The following TRAPPC9 variants were observed in gnomAD, a reference collection of about 807,000 sequenced individuals.
TRAPPC9 encodes trafficking protein particle complex subunit 9.
Under a neutral mutation model 124.0 loss-of-function variants are expected in TRAPPC9, and 83 were observed. The ratio of observed to expected loss-of-function variants is 0.67; its 90% confidence interval spans 0.56 to 0.80. The LOEUF (loss-of-function observed/expected upper bound fraction) is 0.80, where lower values mean the gene tolerates loss of function less well. Ranked by LOEUF, TRAPPC9 falls within the 30% of genes least tolerant of loss-of-function variation. The pLI, the probability that TRAPPC9 is intolerant of heterozygous loss-of-function variation, is 0.00. For synonymous variants in TRAPPC9, 638 were observed against 617.5 expected (o/e 1.03, Z -0.49); for missense variants, 1,302 against 1,508.3 (o/e 0.86, Z 2.27).
chr8:139,918,738 A>C (rs375190781), intron 19 of TRAPPC9, among the ~76,000 whole-genome samples: 6 of 152,210 alleles, frequency 3.9e-5, no homozygotes, highest in African/African-American at 1.4e-4. Flanking sequence ...AGGACCTTTA[A>C]GTATTGTTTT....
intron 7 of TRAPPC9, among the ~76,000 whole-genome samples, chr8:140,387,744 T>C (rs897518240): frequency 3.3e-5 from 5 of 152,258 alleles, no homozygotes; most frequent in African/African-American, 9.6e-5. Flanking sequence ...GGAGAGGACG[T>C]GGAGAATAGG....
intron 20 of TRAPPC9, among the ~76,000 whole-genome samples, chr8:139,894,804 T>A (rs1191273487): frequency 6.6e-6 from 1 of 152,152 alleles, no homozygotes; most frequent in Admixed American, 6.6e-5. Flanking sequence ...CCCTCATGGC[T>A]CATGGGCACA....
At chr8:140,067,501 A>T (rs1336957595) in intron 17 of TRAPPC9, among the ~76,000 whole-genome samples, 2 of 152,150 alleles carry the variant, frequency 1.3e-5, no homozygotes, top group African/African-American at 4.8e-5. Flanking sequence ...ACCTGTTCTG[A>T]TTTCCCTCAA....
At chr8:140,273,011 T>C (rs1467368369) in intron 15 of TRAPPC9, among the ~76,000 whole-genome samples, 3 of 152,282 alleles carry the variant, frequency 2.0e-5, no homozygotes, top group East Asian at 3.9e-4. Context: ...GCTTCACACA[T>C]ATTATCTCAT....
At chr8:140,250,598 G>A (rs991009973) in intron 16 of TRAPPC9, among the ~76,000 whole-genome samples, 4 of 152,074 alleles carry the variant, frequency 2.6e-5, no homozygotes, top group Non-Finnish European at 5.9e-5. Context: ...TGAACTGCAC[G>A]TAACAAGGCA....
At chr8:140,350,068 A>G (rs7839705) in intron 9 of TRAPPC9, among the ~76,000 whole-genome samples, 48,923 of 152,084 alleles carry the variant, frequency 0.32, 8,217 homozygotes, top group Middle Eastern at 0.42. Context: ...CAAAGTCAAG[A>G]AGCACCTTTT....
At chr8:140,066,033 T>C (rs964516107) in intron 17 of TRAPPC9, among the ~76,000 whole-genome samples, 3 of 152,200 alleles carry the variant, frequency 2.0e-5, no homozygotes, top group Non-Finnish European at 4.4e-5. Context: ...CCATGCTAGA[T>C]GCCAGTAAGA....
At chr8:139,908,234 C>T (rs1831486759) in intron 20 of TRAPPC9, among the ~76,000 whole-genome samples, 1 of 152,174 alleles carries the variant, frequency 6.6e-6, no homozygotes, top group Admixed American at 6.5e-5. Context: ...TGAATAACCT[C>T]CTGCCAGGCC....
intron 21 of TRAPPC9, among the ~76,000 whole-genome samples, chr8:139,852,665 T>A (rs143497068): frequency 3.7e-4 from 56 of 152,366 alleles, no homozygotes; most frequent in African/African-American, 1.2e-3. Context: ...TGTGTTTATC[T>A]TCCATCGGGC....
At chr8:140,186,724 AG>A (rs1376020141) in intron 17 of TRAPPC9, among the ~76,000 whole-genome samples, 1 of 152,244 alleles carries the variant, frequency 6.6e-6, no homozygotes. Context: ...TGAAGCAAGT[AG>A]AAAAACAGGA....
At chr8:140,388,861 A>AG (rs1410939065) in intron 7 of TRAPPC9, among the ~76,000 whole-genome samples, 1 of 151,694 alleles carries the variant, frequency 6.6e-6, no homozygotes, top group South Asian at 2.1e-4. Context: ...AAAAAAAAAA[A>AG]AAAGGAATGA....
At chr8:139,842,429 G>GA (rs1404831263) in intron 21 of TRAPPC9, among the ~76,000 whole-genome samples, 1 of 152,146 alleles carries the variant, frequency 6.6e-6, no homozygotes, top group Non-Finnish European at 1.5e-5. Context: ...GTTTCTAAGG[G>GA]AAAAAACAAA....
intron 9 of TRAPPC9, among the ~76,000 whole-genome samples, chr8:140,328,303 A>C (rs1268626546): frequency 6.6e-6 from 1 of 152,190 alleles, no homozygotes; most frequent in Non-Finnish European, 1.5e-5. Context: ...ATTTAAAATA[A>C]AACAGTATCA....
intron 17 of TRAPPC9, chr8:140,098,714 G>A (rs2060506644): frequency 1.3e-5 from 2 of 151,022 alleles, no homozygotes; most frequent in Admixed American, 6.6e-5. Context: ...GCAGCCGTCC[G>A]CAGAGGACGA....
intron 9 of TRAPPC9, among the ~76,000 whole-genome samples, chr8:140,313,274 T>C (rs1272806156): frequency 6.6e-6 from 1 of 152,224 alleles, no homozygotes; most frequent in Admixed American, 6.5e-5. Context: ...TGAGGTATCC[T>C]ATTCAGTTGA....
rs776215397 is a variant in TRAPPC9 at position 140,300,357 on chromosome 8, G to A, written c.1768+112C>T. On this transcript the variant is annotated intron_variant, in intron 11 of 22. Coordinates refer to ENST00000438773, the MANE Select transcript of TRAPPC9 (RefSeq NM_001160372.4). ...TGCATGCGTGCACACATCCACGCACGCACACACATGCACATGCATGAACTG... is the reference window on the plus strand; with the variant it reads ...TGCATGCGTGCACACATCCACGCACACACACACATGCACATGCATGAACTG... The A allele has an allele frequency of 5.2e-5, 73 of 1,390,972 alleles. 1 individual carries two copies. Among genetic ancestry groups the A allele is most frequent in the Admixed American group, 1.5e-4 (9 of 59,012 alleles). 86.2% of individuals were successfully genotyped at this position (1,390,972 alleles called of 1,614,324 possible).
intron 17 of TRAPPC9, among the ~76,000 whole-genome samples, chr8:140,142,553 C>G (rs1399026951): frequency 6.6e-6 from 1 of 152,198 alleles, no homozygotes; most frequent in African/African-American, 2.4e-5. Flanking sequence ...AATAGCTGCT[C>G]CCAGCAAGGA....
Position 139,910,258 on chromosome 8 carries a change from C to A in TRAPPC9, c.2853G>T (p.Pro951=). ...ATTGCCCCTTCTCCCCAGGGGACTCCGGGAAACTCTCAAAGTTGAACTTGT... is the reference window on the plus strand; with the variant it reads ...ATTGCCCCTTCTCCCCAGGGGACTCAGGGAAACTCTCAAAGTTGAACTTGT... ...QVDKFNFESF[P]ESPGEKGQFA... Residue 951 remains proline, a synonymous_variant, in exon 20 of 23, where the codon CCG becomes CCT. Coordinates refer to ENST00000438773, the MANE Select transcript of TRAPPC9 (RefSeq NM_001160372.4). The A allele has an allele frequency of 1.2e-6, 2 of 1,614,142 alleles. No individual in the cohort carries two copies. The highest frequency in any genetic ancestry group is 1.7e-6 in the Non-Finnish European group (2 of 1,180,030).
In TRAPPC9 at chr8:140,097,493, G is replaced by T. The variant is rs1409799775; in HGVS notation, c.2557-73414C>A. ...TTGCCAGTCGCAGGGTAATACACTCGCCTGCATCGTGGGTGCCCCGCCACC... is the reference window on the plus strand; with the variant it reads ...TTGCCAGTCGCAGGGTAATACACTCTCCTGCATCGTGGGTGCCCCGCCACC... On this transcript the variant is annotated intron_variant, in intron 17 of 22. Coordinates refer to ENST00000438773, the MANE Select transcript of TRAPPC9 (RefSeq NM_001160372.4). The surrounding 1 kb of genome is among the most constrained non-coding windows in gnomAD (Gnocchi z 4.2). 1 of 152,274 alleles carries T rather than the reference G, an allele frequency of 6.6e-6. No homozygotes were observed. The highest frequency in any genetic ancestry group is 1.5e-5 in the Non-Finnish European group (1 of 68,132). 9.4% of individuals were successfully genotyped at this position (152,274 alleles called of 1,614,324 possible).
Sources: allele counts gnomAD v4.1 joint callset (sites outside exome capture counted in the v4.1 genomes callset), GRCh38; gene constraint gnomAD v4.1.1; non-coding constraint Gnocchi (gnomAD v3.1); transcripts MANE v1.5; gene names NCBI Gene and HGNC (gene_info 2026-07-23, HGNC 2026-07-21).